Variants in SORCS3 observed in about 807,000 individuals in gnomAD.
SORCS3 encodes the protein VPS10 domain-containing receptor SorCS3.
Under a neutral mutation model 146.3 loss-of-function variants are expected in SORCS3, and 57 were observed. The ratio of observed to expected loss-of-function variants is 0.39; its 90% CI spans 0.31 to 0.49. The LOEUF (loss-of-function observed/expected upper bound fraction) is 0.49, where lower values mean the gene tolerates loss of function less well. Ranked by LOEUF, SORCS3 falls within the 20% of genes least tolerant of loss-of-function variation. SORCS3 has a pLI of 0.92. For synonymous variants in SORCS3, 653 were observed against 618.5 expected (o/e 1.06, Z -0.83); for missense variants, 1,341 against 1,575.5 (o/e 0.85, Z 2.52).
intron 1 of SORCS3, among the ~76,000 whole-genome samples, chr10:104,691,045 G>T (rs75806753): frequency 0.014 from 2,177 of 152,288 alleles, 46 homozygotes; most frequent in African/African-American, 0.045. Context: ...CCAGGGGGAT[G>T]GGCTTTGCCA....
intron 17 of SORCS3, among the ~76,000 whole-genome samples, chr10:105,213,388 T>C (rs1016938298): frequency 1.3e-5 from 2 of 152,120 alleles, no homozygotes; most frequent in African/African-American, 4.8e-5. Context: ...GAAGGCAACA[T>C]AGATGGATTT....
At chr10:105,185,971 C>A (rs1018181591) in intron 14 of SORCS3, among the ~76,000 whole-genome samples, 3 of 152,122 alleles carry the variant, frequency 2.0e-5, no homozygotes, top group African/African-American at 4.8e-5. Flanking sequence ...AGGCACTTTT[C>A]GTGCTATATG....
At chr10:104,783,747 A>T (rs759273286) in intron 1 of SORCS3, among the ~76,000 whole-genome samples, 1 of 152,150 alleles carries the variant, frequency 6.6e-6, no homozygotes, top group Non-Finnish European at 1.5e-5. Context: ...GAGAGAGAGA[A>T]AAAAAGGATC....
In SORCS3 at chr10:104,956,702, G is replaced by A. The variant is rs577826343; in HGVS notation, c.796-20633G>A. On this transcript the variant is annotated intron_variant, in intron 3 of 26. Coordinates refer to ENST00000369701, the MANE Select transcript of SORCS3 (RefSeq NM_014978.3). ...TTGACTGTGTCTTTCTCATCTGTGT[G>A]TTCCCTGTTTACTGTAGAATCTAGC... 2.0e-5 allele frequency among the ~76,000 whole-genome samples: 3 copies of A among 152,068 alleles called. No individual in the cohort carries two copies. In the South Asian group the frequency reaches 6.2e-4, roughly 32 times the overall value.
intron 11 of SORCS3, among the ~76,000 whole-genome samples, chr10:105,160,228 T>C (rs1248477486): frequency 6.6e-6 from 1 of 152,232 alleles, no homozygotes; most frequent in Non-Finnish European, 1.5e-5. Flanking sequence ...GCATTGTTCT[T>C]TGTGGGTTGA....
chr10:105,008,735 C>T (rs1291697046), intron 4 of SORCS3, among the ~76,000 whole-genome samples: 1 of 152,202 alleles, frequency 6.6e-6, no homozygotes, highest in African/African-American at 2.4e-5. Context: ...CAACCTCCCC[C>T]TCGGGGGTTC....
chr10:104,825,457 A>G lies in SORCS3; in HGVS notation c.628-17335A>G, dbSNP rs1298216013. On this transcript the variant is annotated intron_variant, in intron 1 of 26. Transcript: ENST00000369701. ...AAAGAAACAGATCACTTATATTAATATTTTCATTTGTGTTAATGATCATCT... is the reference window on the plus strand; with the variant it reads ...AAAGAAACAGATCACTTATATTAATGTTTTCATTTGTGTTAATGATCATCT... Among the ~76,000 whole-genome samples the G allele has an allele frequency of 2.0e-5, 3 of 152,096 alleles. No individual in the cohort carries two copies. In the East Asian group the frequency reaches 5.8e-4, roughly 29 times the overall value.
At chr10:105,022,388 C>T (rs562785383) in intron 4 of SORCS3, among the ~76,000 whole-genome samples, 1 of 151,260 alleles carries the variant, frequency 6.6e-6, no homozygotes, top group Non-Finnish European at 1.5e-5. Flanking sequence ...ACCTCTGCCC[C>T]CTAGGTTCAA....
chr10:104,766,283 GTC>G (rs1218437152), intron 1 of SORCS3, among the ~76,000 whole-genome samples: 1 of 152,206 alleles, frequency 6.6e-6, no homozygotes, highest in Non-Finnish European at 1.5e-5. Flanking sequence ...ATTGAGGAGA[GTC>G]TTGGTGGAAC....
At chr10:104,851,741 C>A (rs1344383554) in intron 2 of SORCS3, among the ~76,000 whole-genome samples, 1 of 152,160 alleles carries the variant, frequency 6.6e-6, no homozygotes, top group Non-Finnish European at 1.5e-5. Context: ...TTGATATACC[C>A]CATTCCTGCT....
intron 4 of SORCS3, among the ~76,000 whole-genome samples, chr10:105,008,535 G>A (rs1193821284): frequency 6.6e-6 from 1 of 152,196 alleles, no homozygotes; most frequent in Non-Finnish European, 1.5e-5. Context: ...CCACAGTGAG[G>A]TGCTTCATAG....
At chr10:104,737,339 C>A (rs2016786316) in intron 1 of SORCS3, among the ~76,000 whole-genome samples, 1 of 151,904 alleles carries the variant, frequency 6.6e-6, no homozygotes, top group South Asian at 2.1e-4. Flanking sequence ...TTCTAGATCC[C>A]TGAGGAATCG....
intron 5 of SORCS3, among the ~76,000 whole-genome samples, chr10:105,059,739 T>C (rs1264678324): frequency 2.0e-5 from 3 of 152,192 alleles, no homozygotes; most frequent in African/African-American, 7.2e-5. Context: ...TTAGCAAATG[T>C]GACACAAGCG....
At chr10:104,908,524 G>A (rs898316403) in intron 2 of SORCS3, among the ~76,000 whole-genome samples, 3 of 152,158 alleles carry the variant, frequency 2.0e-5, no homozygotes, top group Non-Finnish European at 4.4e-5. Context: ...TCTGAGCTGA[G>A]GTTCAGAGAC....
intron 25 of SORCS3, among the ~76,000 whole-genome samples, chr10:105,260,498 A>C (rs775525307): frequency 1.8e-4 from 28 of 152,214 alleles, no homozygotes; most frequent in Admixed American, 5.2e-4. Context: ...CTTGTAAATT[A>C]TATTAAACTG....
intron 1 of SORCS3, among the ~76,000 whole-genome samples, chr10:104,833,577 C>T (rs1296151296): frequency 6.6e-6 from 1 of 152,160 alleles, no homozygotes; most frequent in African/African-American, 2.4e-5. Context: ...GGTGAGCATT[C>T]ATACAGGACA....
At chr10:105,254,995 T>A (rs1283944230) in intron 23 of SORCS3, among the ~76,000 whole-genome samples, 1 of 151,712 alleles carries the variant, frequency 6.6e-6, no homozygotes, top group Non-Finnish European at 1.5e-5. Flanking sequence ...GAGACCATCC[T>A]GGCTAACACG....
chr10:105,204,552 T>C (rs980973457), intron 16 of SORCS3, among the ~76,000 whole-genome samples: 4 of 151,944 alleles, frequency 2.6e-5, no homozygotes, highest in African/African-American at 7.2e-5. Flanking sequence ...TTTTATAGAA[T>C]TTTTTTTGAT....
rs1371461674 is a variant in SORCS3, at chr10:105,119,944, G to T, written c.1212+14429G>T. Among the ~76,000 whole-genome samples, 3 of 152,184 alleles carry T rather than the reference G, an allele frequency of 2.0e-5. No individual in the cohort carries two copies. The East Asian group carries it at 5.8e-4, about 29-fold the overall frequency. ...TAAAACTTTGGGGAACTTTTGGAAA[G>T]GCATTATTGTGTTTTGAAATGTGAG... is the stretch of plus-strand genomic sequence containing the variant. On this transcript the variant is annotated intron_variant, in intron 7 of 26. Coordinates refer to ENST00000369701, the MANE Select transcript of SORCS3 (RefSeq NM_014978.3).
Sources: gnomAD v4.1 joint callset for allele counts (sites outside exome capture counted in the v4.1 genomes callset) on GRCh38, gnomAD v4.1.1 for gene constraint, MANE v1.5 for transcripts, NCBI Gene and HGNC (gene_info 2026-07-23, HGNC 2026-07-21) for gene names.